The following FIGN variants were observed in gnomAD, a reference collection of about 807,000 sequenced individuals.
The protein encoded by FIGN is fidgetin, microtubule severing factor.
FIGN carries 11 observed loss-of-function variants against 51.3 expected under a neutral mutation model. The observed-to-expected ratio is 0.21, with a 90% confidence interval of 0.13 to 0.35. The LOEUF is 0.35. FIGN is among the 10% of genes least tolerant of loss of function. FIGN has a pLI of 1.00. For synonymous variants in FIGN, 407 were observed against 363.2 expected, an observed-to-expected ratio of 1.12 and a Z score of -1.37; for missense variants, 857 against 943.6, an observed-to-expected ratio of 0.91 and a Z score of 1.20.
At position 163,611,073 on chromosome 2, in the gene FIGN, AGGATAGCTAGCAGAC is replaced by A. The variant is rs778451983; in HGVS notation, c.744_758del (p.Ser249_Pro253del). 10 of 1,613,908 alleles carry A rather than the reference AGGATAGCTAGCAGAC, an allele frequency of 6.2e-6. No homozygotes were observed. The African/African-American group carries it at 1.3e-4, about 22-fold the overall frequency. ...ACCCAGACCCCACAGCAGTCTGAGG[AGGATAGCTAGCAGAC>A]GGATAGCTGTAACTGGAGAGGTTAG... On this transcript the variant is annotated inframe_deletion, in exon 3 of 3. Transcript: ENST00000333129.
At position 163,704,652 on chromosome 2, in the gene FIGN, TCTCTCA is replaced by T. The variant is rs1440744772; in HGVS notation, c.25+30245_25+30250del. Reference sequence around the variant, plus strand: ...CTCTCTCTCTCTCTCTCTCTCTCTCTCTCTCACACACACACACACACACACACACAC... The same window carrying T: ...CTCTCTCTCTCTCTCTCTCTCTCTCTCACACACACACACACACACACACAC... On this transcript the variant is annotated intron_variant, in intron 2 of 2. Coordinates refer to ENST00000333129, the MANE Select transcript of FIGN (RefSeq NM_018086.4). Among the ~76,000 whole-genome samples the T allele has an allele frequency of 4.4e-3, 588 of 132,884 alleles. 1 individual carries two copies. The highest frequency in any genetic ancestry group is 0.017 in the African/African-American group (570 of 33,524). The allele number at this position is 132,884 out of a possible 152,430, so 87.2% of individuals were successfully genotyped here. A position where few individuals can be genotyped will look rare whatever the true frequency, so the allele number is the denominator to read the frequency against.
chr2:163,672,000 C>A (rs1447495757), intron 2 of FIGN, among the ~76,000 whole-genome samples: 1 of 152,114 alleles, frequency 6.6e-6, no homozygotes, highest in African/African-American at 2.4e-5. Context: ...TGGCAAGGCT[C>A]TAGAAATGCC....
At chr2:163,697,572 A>G (rs1684342669) in intron 2 of FIGN, among the ~76,000 whole-genome samples, 1 of 152,076 alleles carries the variant, frequency 6.6e-6, no homozygotes, top group African/African-American at 2.4e-5. Context: ...ACTATACCTC[A>G]TCCCTGCTTT....
At chr2:163,660,831 A>C in intron 2 of FIGN, among the ~76,000 whole-genome samples, 1 of 37,262 alleles carries the variant, frequency 2.7e-5, no homozygotes, top group East Asian at 1.2e-3. Context: ...ATATATATGT[A>C]TACATATATA....
At chr2:163,627,758 C>T (rs1489790961) in intron 2 of FIGN, among the ~76,000 whole-genome samples, 6 of 152,102 alleles carry the variant, frequency 3.9e-5, no homozygotes, top group Non-Finnish European at 7.4e-5. Context: ...CCACATATTT[C>T]CATGAAACAA....
chr2:163,635,849 C>G (rs1241683232), intron 2 of FIGN, among the ~76,000 whole-genome samples: 1 of 151,706 alleles, frequency 6.6e-6, no homozygotes. Flanking sequence ...AGGTCTAGAT[C>G]ACTAAAGAAA....
intron 2 of FIGN, among the ~76,000 whole-genome samples, chr2:163,708,534 A>G (rs1391799974): frequency 6.6e-6 from 1 of 152,224 alleles, no homozygotes; most frequent in Non-Finnish European, 1.5e-5. Context: ...TAATAAAGTT[A>G]CTGAAATGAA....
chr2:163,718,065 G>C (rs1331338805), intron 2 of FIGN, among the ~76,000 whole-genome samples: 1 of 152,032 alleles, frequency 6.6e-6, no homozygotes, highest in African/African-American at 2.4e-5. Flanking sequence ...CAGGGGGGAG[G>C]GGGGAGAGTG....
intron 2 of FIGN, among the ~76,000 whole-genome samples, chr2:163,685,672 G>T (rs1448805428): frequency 6.6e-6 from 1 of 152,154 alleles, no homozygotes; most frequent in Non-Finnish European, 1.5e-5. Context: ...TTGCAGTATC[G>T]TTATCTGAAG....
chr2:163,725,133 T>A (rs1312791666), intron 2 of FIGN, among the ~76,000 whole-genome samples: 2 of 152,160 alleles, frequency 1.3e-5, no homozygotes, highest in African/African-American at 2.4e-5. Context: ...ACCCTAATAT[T>A]ATCCTCTTAA....
chr2:163,621,628 C>G (rs1238628533), intron 2 of FIGN, among the ~76,000 whole-genome samples: 1 of 152,150 alleles, frequency 6.6e-6, no homozygotes, highest in Non-Finnish European at 1.5e-5. Flanking sequence ...TCATTTTCCC[C>G]ACCCTGCCCC....
intron 2 of FIGN, among the ~76,000 whole-genome samples, chr2:163,681,623 G>A (rs553377825): frequency 2.0e-5 from 3 of 152,134 alleles, no homozygotes; most frequent in Non-Finnish European, 2.9e-5. Context: ...CGCCTGGCAC[G>A]ATTTTGAAGC....
chr2:163,652,349 CACACACACACAA>C (rs1422533974), intron 2 of FIGN, among the ~76,000 whole-genome samples: 48 of 131,912 alleles, frequency 3.6e-4, no homozygotes, highest in African/African-American at 6.9e-4. Flanking sequence ...AACCAACACA[CACACACACACAA>C]ACACACACAC....
chr2:163,663,094 A>G (rs557345246), intron 2 of FIGN, among the ~76,000 whole-genome samples: 15 of 152,048 alleles, frequency 9.9e-5, no homozygotes, highest in African/African-American at 3.4e-4. Context: ...TTTTTTTGGT[A>G]TTTTTTGGTA....
At chr2:163,639,944 T>C (rs1378657518) in intron 2 of FIGN, among the ~76,000 whole-genome samples, 1 of 152,212 alleles carries the variant, frequency 6.6e-6, no homozygotes, top group East Asian at 1.9e-4. Flanking sequence ...GCTTAATATG[T>C]CCTTCTTAAA....
intron 2 of FIGN, among the ~76,000 whole-genome samples, chr2:163,731,833 C>G (rs976907461): frequency 1.3e-5 from 2 of 152,090 alleles, no homozygotes; most frequent in African/African-American, 4.8e-5. Context: ...GTCTTACCCT[C>G]TTCCAGGAAA....
Position 163,603,097 on chromosome 2 carries a change from T to G in FIGN, c.*6455A>C, listed in dbSNP as rs1465187295. The G allele has an allele frequency of 6.6e-6, 1 of 152,152 alleles. No individual in the cohort carries two copies. Among genetic ancestry groups the G allele is most frequent in the Non-Finnish European group, 1.5e-5 (1 of 67,992 alleles). The allele number at this position is 152,152 out of a possible 1,614,324, so 9.4% of individuals were successfully genotyped here. A position where few individuals can be genotyped will look rare whatever the true frequency, so the allele number is the denominator to read the frequency against. Reference sequence around the variant, plus strand: ...AATAATGTTCACAAATTATATGAATTCATTTTGCAAGTGATGGATAATTTA... The same window carrying G: ...AATAATGTTCACAAATTATATGAATGCATTTTGCAAGTGATGGATAATTTA... On this transcript the variant is annotated 3_prime_UTR_variant, in exon 3 of 3. Transcript: ENST00000333129.
intron 2 of FIGN, among the ~76,000 whole-genome samples, chr2:163,612,932 G>A (rs1034387152): frequency 1.9e-4 from 29 of 152,038 alleles, no homozygotes; most frequent in African/African-American, 6.5e-4. Context: ...GATGGTCTGG[G>A]TAATTCTATC....
At chr2:163,695,825 C>A (rs372741912) in intron 2 of FIGN, among the ~76,000 whole-genome samples, 2 of 152,052 alleles carry the variant, frequency 1.3e-5, no homozygotes, top group Non-Finnish European at 1.5e-5. Flanking sequence ...AAAAATAGCA[C>A]GGCCAGGCAC....
Sources: gnomAD v4.1 joint callset for allele counts (sites outside exome capture counted in the v4.1 genomes callset) on GRCh38, gnomAD v4.1.1 for gene constraint, MANE v1.5 for transcripts, NCBI Gene and HGNC (gene_info 2026-07-23, HGNC 2026-07-21) for gene names.